PTPRN2: variants seen among roughly 807,000 people sequenced by gnomAD.
PTPRN2 encodes receptor-type tyrosine-protein phosphatase N2.
PTPRN2 carries 74 observed loss-of-function variants against 118.8 expected under a neutral mutation model. That is an observed-to-expected ratio of 0.62 (90% CI 0.52 to 0.76). The LOEUF (loss-of-function observed/expected upper bound fraction) is 0.76. Among genes scored for constraint, PTPRN2 ranks in the 30% least tolerant of loss-of-function variants. PTPRN2 has a pLI of 0.00. For synonymous variants in PTPRN2, 641 were observed against 608.0 expected (o/e 1.05, Z -0.80); for missense variants, 1,481 against 1,394.4 (o/e 1.06, Z -0.99).
intron 10 of PTPRN2, among the ~76,000 whole-genome samples, chr7:158,094,706 GT>G (rs1814486220): frequency 6.6e-6 from 1 of 152,310 alleles, no homozygotes; most frequent in South Asian, 2.1e-4. Flanking sequence ...ACATTTAGAA[GT>G]AGAAGCATTC....
intron 5 of PTPRN2, among the ~76,000 whole-genome samples, chr7:158,172,505 T>A (rs1343829483): frequency 7.1e-6 from 1 of 140,438 alleles, no homozygotes; most frequent in East Asian, 2.4e-4. Flanking sequence ...CCACCATCAA[T>A]AGCAGCATCC....
intron 11 of PTPRN2, among the ~76,000 whole-genome samples, chr7:157,970,274 A>G (rs760644883): frequency 1.3e-5 from 2 of 152,228 alleles, no homozygotes; most frequent in Non-Finnish European, 2.9e-5. Flanking sequence ...ACACCAGCAC[A>G]CAAGTACCCA....
chr7:158,346,040 CAG>C (rs1246340334), intron 2 of PTPRN2, among the ~76,000 whole-genome samples: 1 of 152,190 alleles, frequency 6.6e-6, no homozygotes, highest in South Asian at 2.1e-4. Flanking sequence ...GGTGGGGACA[CAG>C]AGCCAAACCA....
At chr7:158,337,145 T>A (rs1243742484) in intron 2 of PTPRN2, among the ~76,000 whole-genome samples, 11 of 151,932 alleles carry the variant, frequency 7.2e-5, no homozygotes, top group Admixed American at 2.6e-4. Flanking sequence ...ACAGCCATAC[T>A]CTCACCATAA....
At chr7:158,148,789 T>C (rs1820505488) in intron 6 of PTPRN2, among the ~76,000 whole-genome samples, 2 of 72,424 alleles carry the variant, frequency 2.8e-5, no homozygotes, top group Admixed American at 1.4e-4. Flanking sequence ...TGACACCCCA[T>C]CTCACGCCAC....
At chr7:158,528,365 T>C (rs569987917) in intron 1 of PTPRN2, among the ~76,000 whole-genome samples, 39 of 152,132 alleles carry the variant, frequency 2.6e-4, no homozygotes, top group South Asian at 1.2e-3. Context: ...ACTCAATCAC[T>C]CCCCAGAGCC....
chr7:157,613,384 C>A (rs1306175736), intron 15 of PTPRN2, among the ~76,000 whole-genome samples: 1 of 152,240 alleles, frequency 6.6e-6, no homozygotes, highest in African/African-American at 2.4e-5. Context: ...CGGGGAGACA[C>A]GGGCGGAGGC....
intron 11 of PTPRN2, among the ~76,000 whole-genome samples, chr7:157,982,260 GT>G (rs1803288813): frequency 1.7e-5 from 1 of 59,334 alleles, no homozygotes; most frequent in Non-Finnish European, 3.6e-5. Context: ...CAAACCCCGA[GT>G]CATAGAGCCA....
chr7:157,711,354 A>G lies in PTPRN2; in HGVS notation c.1789-28417T>C, dbSNP rs2952634. On this transcript the variant is annotated intron_variant, in intron 12 of 22. Transcript: ENST00000389418. The stretch of plus-strand genomic sequence containing the variant: ...GTTACACGCGAGAGCCCCACGCGCC[A>G]GAGGTTCCGGGGCAGCCGGGTTACA... Among the ~76,000 whole-genome samples the G allele has an allele frequency of 0.023, 80 of 3,410 alleles. 30 individuals carry two copies. The East Asian group carries it at 0.42, about 18-fold the overall frequency. 2.2% of individuals were successfully genotyped at this position (3,410 alleles called of 152,430 possible).
chr7:157,954,163 GTGTGTGCTGTGTGGTGTGTGTGGTACA>G (rs1407499274), intron 11 of PTPRN2, among the ~76,000 whole-genome samples: 44,357 of 122,566 alleles, frequency 0.36, 8,646 homozygotes, highest in East Asian at 0.58. Context: ...CCTGTGTACT[GTGTGTGCTGTGTGGTGTGTGTGGTACA>G]TGTGTGCTGT....
At chr7:158,431,690 ACACACTGGCT>A (rs1309830111) in intron 2 of PTPRN2, among the ~76,000 whole-genome samples, 1 of 134,352 alleles carries the variant, frequency 7.4e-6, no homozygotes, top group Non-Finnish European at 1.6e-5. Flanking sequence ...CATACTGGCC[ACACACTGGCT>A]CACACTGGGC....
At chr7:158,259,777 A>G (rs1797269153) in intron 3 of PTPRN2, among the ~76,000 whole-genome samples, 2 of 145,414 alleles carry the variant, frequency 1.4e-5, no homozygotes, top group Admixed American at 1.4e-4. Context: ...GTTTGTGTCC[A>G]TGTGTCTCTG....
intron 12 of PTPRN2, among the ~76,000 whole-genome samples, chr7:157,887,876 A>T (rs1292257573): frequency 8.3e-6 from 1 of 120,800 alleles, no homozygotes; most frequent in South Asian, 2.8e-4. Flanking sequence ...TGCTCCCCCC[A>T]GTACCTGCTC....
At chr7:157,755,727 G>A (rs1801742141) in intron 12 of PTPRN2, among the ~76,000 whole-genome samples, 1 of 152,090 alleles carries the variant, frequency 6.6e-6, no homozygotes, top group African/African-American at 2.4e-5. Flanking sequence ...ACCCCCAGAG[G>A]GAGGGGGTAG....
chr7:158,146,862 C>A lies in PTPRN2; in HGVS notation c.911-8347G>T, dbSNP rs116265641. On this transcript the variant is annotated intron_variant, in intron 6 of 22. Transcript: ENST00000389418. ...AGAGAGACTTGACCAATGGATAGAA[C>A]AAGCAAACAGTTTACAGGGAAAATA... Among the ~76,000 whole-genome samples the A allele has an allele frequency of 7.4e-3, 1,131 of 151,956 alleles. 131 individuals carry two copies. Among genetic ancestry groups the A allele is most frequent in the African/African-American group, 0.026 (1,069 of 41,334 alleles).
At position 157,894,598 on chromosome 7, in the gene PTPRN2, C is replaced by T. The variant is rs1015193871; in HGVS notation, c.1788+4075G>A. On this transcript the variant is annotated intron_variant, in intron 12 of 22. Coordinates refer to ENST00000389418, the MANE Select transcript of PTPRN2 (RefSeq NM_002847.5). ...TGTGAGTTCCTGTGGAAGCTGAGAG[C>T]TGGGGTGTGAGTTCCTGTGGAAGCT... is the stretch of plus-strand genomic sequence containing the variant. Among the ~76,000 whole-genome samples the T allele has an allele frequency of 6.2e-3, 822 of 133,594 alleles. 6 individuals are homozygous for T. Among genetic ancestry groups the T allele is most frequent in the East Asian group, 0.028 (118 of 4,260 alleles). 87.6% of individuals were successfully genotyped at this position (133,594 alleles called of 152,430 possible). A position where few individuals can be genotyped will look rare whatever the true frequency, so the allele number is the denominator to read the frequency against.
chr7:158,072,480 T>C (rs1257020342), intron 11 of PTPRN2, among the ~76,000 whole-genome samples: 1 of 152,164 alleles, frequency 6.6e-6, no homozygotes, highest in African/African-American at 2.4e-5. Flanking sequence ...AAGACCTGCC[T>C]GTGACAAGCG....
At chr7:157,927,155 C>T (rs79550560) in intron 11 of PTPRN2, among the ~76,000 whole-genome samples, 7,727 of 81,408 alleles carry the variant, frequency 0.095, 834 homozygotes, top group Non-Finnish European at 0.15. Context: ...AGACAGGAAG[C>T]CCCAGGGACC....
intron 11 of PTPRN2, among the ~76,000 whole-genome samples, chr7:158,051,283 C>T (rs923334444): frequency 3.3e-5 from 5 of 152,196 alleles, no homozygotes; most frequent in Admixed American, 3.3e-4. Context: ...GAGGAAACTG[C>T]CTGATCTCCG....
Sources: gnomAD v4.1 joint callset for allele counts (sites outside exome capture counted in the v4.1 genomes callset) on GRCh38, gnomAD v4.1.1 for gene constraint, MANE v1.5 for transcripts, NCBI Gene and HGNC (gene_info 2026-07-23, HGNC 2026-07-21) for gene names.